The following ZNF765 variants were observed in gnomAD, a reference collection of about 807,000 sequenced individuals.
The protein encoded by ZNF765 is zinc finger protein 765.
Under a neutral mutation model 44.7 loss-of-function variants are expected in ZNF765, and 37 were observed. The observed-to-expected ratio is 0.83, with a 90% CI of 0.64 to 1.09. The LOEUF (loss-of-function observed/expected upper bound fraction) is 1.09, where lower values mean the gene tolerates loss of function less well. Ranked by LOEUF, ZNF765 falls within the 50% of genes least tolerant of loss-of-function variation. The pLI is 0.00. For missense variants in ZNF765, 594 were observed against 626.1 expected (o/e 0.95, Z 0.55); for synonymous variants, 201 against 213.7 (o/e 0.94, Z 0.52).
At chr19:53,417,113 C>T (rs148524866) in intron 3 of ZNF765, among the ~76,000 whole-genome samples, 13 of 152,228 alleles carry the variant, frequency 8.5e-5, no homozygotes, top group Admixed American at 2.0e-4. Context: ...CCACTATGCC[C>T]GACCAGGTTT....
At chr19:53,418,695 C>T (rs960224509) in intron 3 of ZNF765, among the ~76,000 whole-genome samples, 1 of 151,774 alleles carries the variant, frequency 6.6e-6, no homozygotes, top group Non-Finnish European at 1.5e-5. Flanking sequence ...CACCTGAGGT[C>T]AGGAGTTGGA....
chr19:53,405,946 TATATAA>T (rs2085770969), intron 3 of ZNF765, among the ~76,000 whole-genome samples: 1 of 120,302 alleles, frequency 8.3e-6, no homozygotes, highest in African/African-American at 3.2e-5. Context: ...TATATATATA[TATATAA>T]AATTGCTGTA....
In ZNF765 at chr19:53,408,089, A is replaced by G. The variant is rs1276074374; in HGVS notation, c.534A>G (p.Gln178=). 2 of 1,614,154 alleles carry G rather than the reference A, an allele frequency of 1.2e-6. No homozygotes were observed. Among genetic ancestry groups the G allele is most frequent in the East Asian group, 2.2e-5 (1 of 44,870 alleles). ...ATGCTTCCTTGGTTTCAACAGCCCA[A>G]AGAATTTCTTGTAGGCCTGAAACCC... ...IHDASLVSTA[Q]RISCRPETHI... The change falls in exon 4 of 4, where the codon CAA becomes CAG. Residue 178 remains glutamine (Q), a synonymous_variant. Coordinates refer to ENST00000396408, the MANE Select transcript of ZNF765 (RefSeq NM_001040185.3).
chr19:53,404,561 T>C (rs926580244), intron 3 of ZNF765, among the ~76,000 whole-genome samples: 1 of 152,126 alleles, frequency 6.6e-6, no homozygotes, highest in Non-Finnish European at 1.5e-5. Context: ...CAAGTGATTT[T>C]CCTGCTTCAG....
chr19:53,407,681 G>GT lies in ZNF765; in HGVS notation c.143-16dup. The GT allele has an allele frequency of 1.3e-6, 2 of 1,513,316 alleles. No homozygotes were observed. Among genetic ancestry groups the GT allele is most frequent in the Non-Finnish European group, 1.8e-6 (2 of 1,130,250 alleles). The allele number at this position is 1,513,316 out of a possible 1,614,324, so 93.7% of individuals were successfully genotyped here. Reference sequence around the variant, plus strand: ...TCTGTACTTAATTTGAAACCTTTTGGTGTGTATACTTTTTAGATATCTCTT... The same window carrying GT: ...TCTGTACTTAATTTGAAACCTTTTGGTTGTGTATACTTTTTAGATATCTCTT... On this transcript the variant is annotated splice_polypyrimidine_tract_variant and intron_variant, in intron 3 of 3. Coordinates refer to ENST00000396408, the MANE Select transcript of ZNF765 (RefSeq NM_001040185.3).
Position 53,397,981 on chromosome 19 carries a change from C to T in ZNF765, c.-35C>T, listed in dbSNP as rs2085687167. 1.2e-6 allele frequency: 2 copies of T among 1,612,026 alleles called. No individual in the cohort carries two copies. The highest frequency in any genetic ancestry group is 1.3e-5 in the African/African-American group (1 of 74,938). On this transcript the variant is annotated 5_prime_UTR_variant, in exon 2 of 4. Coordinates refer to ENST00000396408, the MANE Select transcript of ZNF765 (RefSeq NM_001040185.3). ...AGACTCTTGGTATGTGAGGAAGAAA[C>T]CTGGAAGAGGAAGAGGAAAGCAAAG...
rs1480136393 is a variant in ZNF765 at position 53,408,443 on chromosome 19, GA to G, written c.891del (p.Lys297AsnfsTer128). ...TCHRRLHTGE[K>X]PYKCEECDKA... is the part of the protein sequence containing the mutation. ...GCCATCGTAGACTTCATACTGGAGAGAAACCTTACAAATGTGAAGAATGTGA... is the reference window on the plus strand; with the variant it reads ...GCCATCGTAGACTTCATACTGGAGAGAACCTTACAAATGTGAAGAATGTGA... On this transcript the variant is annotated frameshift_variant, in exon 4 of 4. Coordinates refer to ENST00000396408, the MANE Select transcript of ZNF765 (RefSeq NM_001040185.3). LOFTEE classifies it high-confidence loss of function. 4 of 1,613,726 alleles carry G rather than the reference GA, an allele frequency of 2.5e-6. No individual in the cohort carries two copies. The highest frequency in any genetic ancestry group is 2.5e-6 in the Non-Finnish European group (3 of 1,179,802).
chr19:53,405,815 G>A (rs1694355276), intron 3 of ZNF765, among the ~76,000 whole-genome samples: 1 of 147,650 alleles, frequency 6.8e-6, no homozygotes, highest in African/African-American at 2.5e-5. Context: ...TTTATAAAAT[G>A]TTTTCACTGA....
intron 2 of ZNF765, among the ~76,000 whole-genome samples, chr19:53,401,755 A>G (rs1317605790): frequency 1.3e-5 from 2 of 152,018 alleles, no homozygotes; most frequent in East Asian, 3.9e-4. Context: ...ACGTGCCTAT[A>G]ATTTCAGCTA....
intron 1 of ZNF765, among the ~76,000 whole-genome samples, chr19:53,397,377 G>A (rs2085681847): frequency 1.3e-5 from 2 of 152,166 alleles, no homozygotes; most frequent in African/African-American, 2.4e-5. Flanking sequence ...ATGCGGTTAA[G>A]CGTGTAAACT....
At chr19:53,414,703 T>C (rs2085864429), downstream of ZNF765, among the ~76,000 whole-genome samples, 1 of 149,118 alleles carries the variant, frequency 6.7e-6, no homozygotes, top group Non-Finnish European at 1.5e-5. Flanking sequence ...TTTATGGCTA[T>C]TCTAAGGTCT....
chr19:53,409,760 CT>C lies in ZNF765; in HGVS notation c.*635del. ...CTCATACCTTACATGCCATCATAGA[CT>C]TCATACTGGAGAGATACCTTAAAAG... On this transcript the variant is annotated 3_prime_UTR_variant, in exon 4 of 4. Coordinates refer to ENST00000396408, the MANE Select transcript of ZNF765 (RefSeq NM_001040185.3). 1 of 843,500 alleles carries C rather than the reference CT, an allele frequency of 1.2e-6. No homozygotes were observed. Among genetic ancestry groups the C allele is most frequent in the South Asian group, 1.3e-5 (1 of 75,742 alleles). The allele number at this position is 843,500 out of a possible 1,614,324, so 52.3% of individuals were successfully genotyped here.
chr19:53,417,680 T>C (rs773102176), intron 3 of ZNF765, among the ~76,000 whole-genome samples: 3 of 152,170 alleles, frequency 2.0e-5, no homozygotes, highest in Non-Finnish European at 4.4e-5. Context: ...ATATCTCTCT[T>C]TAGGTCTATT....
At chr19:53,396,050 A>G (rs1038038919) in intron 1 of ZNF765, among the ~76,000 whole-genome samples, 10 of 151,860 alleles carry the variant, frequency 6.6e-5, no homozygotes, top group Admixed American at 2.6e-4. Context: ...GAGAAAAGGT[A>G]GATGTACAGA....
chr19:53,395,486 G>A (rs1255163286), intron 1 of ZNF765, among the ~76,000 whole-genome samples: 1 of 152,230 alleles, frequency 6.6e-6, no homozygotes, highest in Non-Finnish European at 1.5e-5. Context: ...GCTTTTTAAA[G>A]TCCTCACCCG....
In ZNF765 at chr19:53,407,862, G is replaced by A. The variant is rs1239239183; in HGVS notation, c.307G>A (p.Glu103Lys). The change falls in exon 4 of 4, where the codon GAA becomes AAA. Residue 103 changes from glutamate (E) to lysine (K), a missense_variant. Transcript: ENST00000396408. Reference protein sequence around the residue: ...DIHDIEFQWQEDERNGHEALM... With the variant: ...DIHDIEFQWQKDERNGHEALM... ...TCATGACATTGAGTTTCAGTGGCAA[G>A]AAGATGAAAGAAATGGCCATGAAGC... The A allele has an allele frequency of 1.9e-6, 3 of 1,613,594 alleles. No individual in the cohort carries two copies. In the East Asian group the frequency reaches 6.7e-5, roughly 36 times the overall value.
rs2085790155 is a variant in ZNF765 at position 53,407,836 on chromosome 19, T to A, written c.281T>A (p.Ile94Asn). The change falls in exon 4 of 4, where the codon ATT (isoleucine) becomes AAT (asparagine). Residue 94 changes from isoleucine to asparagine, a missense_variant. Around this residue, in one of 2 missense-constraint regions of ZNF765, gnomAD observed 567 missense variants for 572.6 expected, o/e 0.99. Transcript: ENST00000396408. ...DFCFQDIDKD[I>N]HDIEFQWQED... ...TGTTTCCAGGATATTGATAAAGATA[T>A]TCATGACATTGAGTTTCAGTGGCAA... The A allele has an allele frequency of 1.1e-5, 18 of 1,613,544 alleles. No individual in the cohort carries two copies. Among genetic ancestry groups the A allele is most frequent in the Non-Finnish European group, 1.4e-5 (17 of 1,179,852 alleles).
chr19:53,406,653 G>T (rs1323906173), intron 3 of ZNF765, among the ~76,000 whole-genome samples: 2 of 152,198 alleles, frequency 1.3e-5, no homozygotes, highest in Non-Finnish European at 2.9e-5. Context: ...TGTGGCTCAC[G>T]CCTGCAATCC....
Position 53,410,944 on chromosome 19 carries a change from A to G in ZNF765, c.*1817A>G, listed in dbSNP as rs989570763. On this transcript the variant is annotated 3_prime_UTR_variant, in exon 4 of 4. Coordinates refer to ENST00000396408, the MANE Select transcript of ZNF765 (RefSeq NM_001040185.3). ...TCTTATAAATGTCATCAGTGTGCCA[A>G]AGTCTTCAGTCTGAGCTCACTCCTT... 11 of 414,694 alleles carry G rather than the reference A, an allele frequency of 2.7e-5. No individual in the cohort carries two copies. Among genetic ancestry groups the G allele is most frequent in the African/African-American group, 1.7e-4 (8 of 48,344 alleles). The allele number at this position is 414,694 out of a possible 1,614,324, so 25.7% of individuals were successfully genotyped here.
Sources: allele counts gnomAD v4.1 joint callset (sites outside exome capture counted in the v4.1 genomes callset), GRCh38; gene constraint gnomAD v4.1.1; regional missense constraint gnomAD v4.1.1; transcripts MANE v1.5; gene names NCBI Gene and HGNC (gene_info 2026-07-23, HGNC 2026-07-21).